The following APOO variants were observed in gnomAD, a reference collection of about 807,000 sequenced individuals.
The protein encoded by APOO is MICOS complex subunit MIC26.
Under a neutral mutation model 23.1 loss-of-function variants are expected in APOO, and 11 were observed. That is an observed-to-expected ratio of 0.48 (90% CI 0.30 to 0.79). The LOEUF (loss-of-function observed/expected upper bound fraction) is 0.79. Ranked by LOEUF, APOO falls within the 30% of genes least tolerant of loss-of-function variation. The probability of loss-of-function intolerance (pLI) is 0.07; values close to 1 mark genes in which losing one functional copy is unlikely to be tolerated. For synonymous variants in APOO, 59 were observed against 54.8 expected (o/e 1.08, Z -0.34); for missense variants, 160 against 142.7 (o/e 1.12, Z -0.62).
intron 1 of APOO, among the ~76,000 whole-genome samples, chrX:23,891,792 C>A (rs1255905568): frequency 9.1e-6 from 1 of 109,489 alleles, no homozygotes; most frequent in African/African-American, 3.3e-5. Flanking sequence ...CTTACAGTAT[C>A]TTACCCTTCT....
intron 7 of APOO, among the ~76,000 whole-genome samples, chrX:23,849,787 G>A (rs926257876): frequency 2.8e-4 from 30 of 106,951 alleles, no homozygotes; most frequent in African/African-American, 9.5e-4. Context: ...AGCTACTCGC[G>A]AGGCTGAGGC....
chrX:23,895,061 C>T (rs1425427566), intron 1 of APOO, among the ~76,000 whole-genome samples: 1 of 109,605 alleles, frequency 9.1e-6, no homozygotes, highest in African/African-American at 3.3e-5. Context: ...TCGCTCGAAC[C>T]CAGGAGGCAA....
At position 23,874,418 on chromosome X, in the gene APOO, C is replaced by A. The variant is rs1261769493; in HGVS notation, c.277G>T (p.Val93Phe). ...SQTKPKMQSLVQWGLDSYDYL... is the reference protein window; with the variant it reads ...SQTKPKMQSLFQWGLDSYDYL... ...ATCAACTTACCTAACCCCCATTGAA[C>A]CAAACTTTGCATCTTGGGCTTAGTT... Residue 93 changes from valine to phenylalanine, a missense_variant, in exon 4 of 9, where the codon GTT becomes TTT. Transcript: ENST00000379226. The A allele has an allele frequency of 8.3e-7, 1 of 1,210,607 alleles. No individual in the cohort carries two copies. The highest frequency in any genetic ancestry group is 1.1e-6 in the Non-Finnish European group (1 of 894,605).
chrX:23,871,026 T>C (rs1232613358), intron 4 of APOO, among the ~76,000 whole-genome samples: 2 of 105,348 alleles, frequency 1.9e-5, no homozygotes, highest in Non-Finnish European at 3.9e-5. Context: ...GAGGCAGAGG[T>C]TGCAGTGAGC....
intron 1 of APOO, among the ~76,000 whole-genome samples, chrX:23,899,304 T>C (rs1218619648): frequency 2.7e-5 from 3 of 112,364 alleles, no homozygotes; most frequent in Non-Finnish European, 5.6e-5. Flanking sequence ...ACAATCAAAG[T>C]CATAGGCTTT....
chrX:23,868,697 G>A lies in APOO; in HGVS notation c.293-9C>T. The A allele has an allele frequency of 1.7e-6, 2 of 1,180,713 alleles. No individual in the cohort carries two copies. The highest frequency in any genetic ancestry group is 2.3e-6 in the Non-Finnish European group (2 of 871,737). Reference sequence around the variant, plus strand: ...GAGATAGTCATAGCTGTCTACAATAGAATTAGACCAGGAAGCAGTTCCATA... The same window carrying A: ...GAGATAGTCATAGCTGTCTACAATAAAATTAGACCAGGAAGCAGTTCCATA... On this transcript the variant is annotated splice_polypyrimidine_tract_variant and intron_variant, in intron 4 of 8. Coordinates refer to ENST00000379226, the MANE Select transcript of APOO (RefSeq NM_024122.5).
intron 7 of APOO, among the ~76,000 whole-genome samples, chrX:23,845,647 C>T (rs1415026897): frequency 8.9e-6 from 1 of 112,429 alleles, no homozygotes; most frequent in Non-Finnish European, 1.9e-5. Flanking sequence ...CATTTTAAAA[C>T]TACATGACTT....
chrX:23,870,630 T>TA (rs1185238276), intron 4 of APOO, among the ~76,000 whole-genome samples: 1,239 of 98,235 alleles, frequency 0.013, 18 homozygotes, highest in African/African-American at 0.044. Flanking sequence ...TACAAAAAAT[T>TA]AAAAAAAAAA....
intron 7 of APOO, among the ~76,000 whole-genome samples, chrX:23,849,765 G>A (rs1428196130): frequency 1.9e-5 from 2 of 107,616 alleles, no homozygotes; most frequent in African/African-American, 3.4e-5. Flanking sequence ...GGTGGCGTGC[G>A]CCTGCAGTCC....
At chrX:23,904,526 T>G (rs899252223) in intron 1 of APOO, among the ~76,000 whole-genome samples, 11 of 56,159 alleles carry the variant, frequency 2.0e-4, no homozygotes, top group Non-Finnish European at 2.7e-4. Flanking sequence ...TTTTTTTTTT[T>G]GGGACGGAGT....
chrX:23,890,860 T>C (rs1246430128), intron 1 of APOO, among the ~76,000 whole-genome samples: 3 of 111,856 alleles, frequency 2.7e-5, no homozygotes, highest in African/African-American at 9.8e-5. Flanking sequence ...AGCATCCGCA[T>C]TTAAGCACAA....
chrX:23,886,101 C>T (rs1303212853), intron 1 of APOO, among the ~76,000 whole-genome samples: 1 of 111,612 alleles, frequency 9.0e-6, no homozygotes, highest in Non-Finnish European at 1.9e-5. Context: ...GTAGCACCTC[C>T]TCCCAGTCAC....
chrX:23,842,475 A>G (rs1924028047), intron 7 of APOO, among the ~76,000 whole-genome samples: 1 of 112,036 alleles, frequency 8.9e-6, no homozygotes, highest in East Asian at 2.8e-4. Context: ...TAACACATCC[A>G]TGAACACGAA....
chrX:23,879,921 A>T (rs1275109373), intron 2 of APOO, among the ~76,000 whole-genome samples: 1 of 111,368 alleles, frequency 9.0e-6, no homozygotes, highest in East Asian at 2.8e-4. Flanking sequence ...TGTAAACACC[A>T]ATCTAGTAAC....
chrX:23,852,732 C>T (rs932222717), intron 7 of APOO, among the ~76,000 whole-genome samples: 1 of 111,248 alleles, frequency 9.0e-6, no homozygotes, highest in Non-Finnish European at 1.9e-5. Flanking sequence ...TGAAGCGTCC[C>T]TTAATTCCCT....
chrX:23,875,454 T>C (rs1925804380), intron 3 of APOO, among the ~76,000 whole-genome samples: 1 of 104,035 alleles, frequency 9.6e-6, no homozygotes, highest in South Asian at 4.7e-4. Context: ...GTTTCGCTTT[T>C]GTCGCCCAGG....
At chrX:23,847,492 G>A (rs1924299868) in intron 7 of APOO, among the ~76,000 whole-genome samples, 1 of 109,761 alleles carries the variant, frequency 9.1e-6, no homozygotes. Context: ...TGGGCGTGGT[G>A]ACGCGTGCCT....
At chrX:23,855,326 G>C (rs1291430111) in intron 7 of APOO, among the ~76,000 whole-genome samples, 15 of 110,709 alleles carry the variant, frequency 1.4e-4, no homozygotes, top group African/African-American at 4.9e-4. Flanking sequence ...CAAAAAATGA[G>C]TCTTAAGATT....
At chrX:23,837,293 C>T (rs1923735522) in intron 8 of APOO, 1 of 559,750 alleles carries the variant, frequency 1.8e-6, no homozygotes, top group Non-Finnish European at 3.0e-6. Context: ...GGAATGTCGA[C>T]AGTCTGATTG....
Sources: gnomAD v4.1 joint callset for allele counts (sites outside exome capture counted in the v4.1 genomes callset) on GRCh38, gnomAD v4.1.1 for gene constraint, MANE v1.5 for transcripts, NCBI Gene and HGNC (gene_info 2026-07-23, HGNC 2026-07-21) for gene names.